Variants in PPP2R2B observed in about 807,000 individuals in gnomAD.
The protein encoded by PPP2R2B is serine/threonine-protein phosphatase 2A 55 kDa regulatory subunit B beta isoform.
PPP2R2B carries 5 observed loss-of-function variants against 46.0 expected under a neutral mutation model. The ratio of observed to expected loss-of-function variants is 0.11; its 90% CI spans 0.06 to 0.23. The LOEUF (loss-of-function observed/expected upper bound fraction) is 0.23, where lower values mean the gene tolerates loss of function less well. Among genes scored for constraint, PPP2R2B ranks in the 10% least tolerant of loss-of-function variants. The pLI, the probability that PPP2R2B is intolerant of heterozygous loss-of-function variation, is 1.00. For synonymous variants in PPP2R2B, 215 were observed against 206.7 expected, an observed-to-expected ratio of 1.04 and a Z score of -0.34; for missense variants, 367 against 575.0, an observed-to-expected ratio of 0.64 and a Z score of 3.70.
chr5:146,830,726 C>A (rs993439375), intron 2 of PPP2R2B, among the ~76,000 whole-genome samples: 1 of 152,098 alleles, frequency 6.6e-6, no homozygotes, highest in Non-Finnish European at 1.5e-5. Context: ...CCCACCTTGG[C>A]CTCCCAAAGT....
chr5:146,991,062 A>T (rs57228238), intron 1 of PPP2R2B, among the ~76,000 whole-genome samples: 39,946 of 151,624 alleles, frequency 0.26, 6,019 homozygotes, highest in African/African-American at 0.41. Flanking sequence ...TTAAAAAGAT[A>T]AAAAAAACAC....
At chr5:147,008,255 G>T (rs369017374) in intron 1 of PPP2R2B, among the ~76,000 whole-genome samples, 73 of 152,144 alleles carry the variant, frequency 4.8e-4, no homozygotes, top group African/African-American at 1.6e-3. Context: ...CCAACTTATG[G>T]ACTTTTTGTC....
intron 6 of PPP2R2B, among the ~76,000 whole-genome samples, chr5:146,641,983 T>C (rs891159135): frequency 3.9e-5 from 6 of 152,212 alleles, no homozygotes; most frequent in Admixed American, 3.9e-4. Context: ...CAGATTGCCA[T>C]TAAATTAACC....
At chr5:146,868,158 G>C (rs779986761) in intron 2 of PPP2R2B, among the ~76,000 whole-genome samples, 1 of 152,214 alleles carries the variant, frequency 6.6e-6, no homozygotes, top group Non-Finnish European at 1.5e-5. Context: ...GCCCAGGACT[G>C]TCTCCAGCAT....
At chr5:146,843,368 C>T (rs1213700312) in intron 2 of PPP2R2B, among the ~76,000 whole-genome samples, 1 of 152,082 alleles carries the variant, frequency 6.6e-6, no homozygotes, top group African/African-American at 2.4e-5. Context: ...ATTGCTTTAC[C>T]AATAATGTAT....
At chr5:146,933,378 C>A (rs1164815005) in intron 1 of PPP2R2B, among the ~76,000 whole-genome samples, 1 of 152,064 alleles carries the variant, frequency 6.6e-6, no homozygotes, top group Admixed American at 6.6e-5. Flanking sequence ...GTCAAAGCTG[C>A]ACCTTAATTA....
intron 1 of PPP2R2B, among the ~76,000 whole-genome samples, chr5:147,016,063 C>A (rs575578385): frequency 6.6e-6 from 1 of 151,604 alleles, no homozygotes; most frequent in South Asian, 2.1e-4. Context: ...TAAGTTAAAA[C>A]AAAAATACTT....
chr5:146,863,183 A>G (rs575695220), intron 2 of PPP2R2B, among the ~76,000 whole-genome samples: 1 of 152,194 alleles, frequency 6.6e-6, no homozygotes, highest in East Asian at 1.9e-4. Context: ...TTCCCTCTAT[A>G]TCCTATTAAG....
intron 1 of PPP2R2B, among the ~76,000 whole-genome samples, chr5:146,947,494 G>A (rs1764520134): frequency 6.6e-6 from 1 of 152,096 alleles, no homozygotes; most frequent in African/African-American, 2.4e-5. Context: ...GGTGCTTTGT[G>A]TAATGAGATG....
chr5:146,697,420 C>T (rs1379265958), intron 4 of PPP2R2B, among the ~76,000 whole-genome samples: 1 of 152,172 alleles, frequency 6.6e-6, no homozygotes, highest in African/African-American at 2.4e-5. Context: ...TCAACTCCTC[C>T]TCATCCAACA....
chr5:146,697,939 G>A (rs200972834), intron 4 of PPP2R2B, 40 bp downstream of exon 4: 47 of 1,571,208 alleles, frequency 3.0e-5, no homozygotes, highest in South Asian at 1.6e-4. Flanking sequence ...TAGTTTGGCC[G>A]ACTGTATCTC....
intron 2 of PPP2R2B, among the ~76,000 whole-genome samples, chr5:146,776,139 A>G (rs1286213444): frequency 6.6e-6 from 1 of 152,128 alleles, no homozygotes; most frequent in East Asian, 1.9e-4. Flanking sequence ...AAATGTGAAA[A>G]CTGATTCTAA....
At chr5:146,593,450 T>C (rs1404377113) in intron 8 of PPP2R2B, among the ~76,000 whole-genome samples, 1 of 152,248 alleles carries the variant, frequency 6.6e-6, no homozygotes, top group Non-Finnish European at 1.5e-5. Flanking sequence ...CCAAATATCC[T>C]TGCAGTGCTT....
At chr5:147,015,615 G>A (rs1464579346) in intron 1 of PPP2R2B, among the ~76,000 whole-genome samples, 5 of 151,586 alleles carry the variant, frequency 3.3e-5, no homozygotes, top group African/African-American at 4.8e-5. Flanking sequence ...ACACAACACA[G>A]TATTGCAGAG....
At chr5:146,630,112 G>A (rs1190801942) in intron 7 of PPP2R2B, among the ~76,000 whole-genome samples, 2 of 152,194 alleles carry the variant, frequency 1.3e-5, no homozygotes, top group South Asian at 2.1e-4. Flanking sequence ...ACCATGCCTG[G>A]CTGTGGCCTC....
chr5:146,591,899 G>A, intron 9 of PPP2R2B: 1 of 200,366 alleles, frequency 5.0e-6, no homozygotes, highest in South Asian at 7.5e-5. Context: ...GTTAGACTGT[G>A]GTTGGGATTA....
chr5:146,724,833 C>T (rs1285730928), intron 2 of PPP2R2B, among the ~76,000 whole-genome samples: 1 of 152,098 alleles, frequency 6.6e-6, no homozygotes, highest in East Asian at 1.9e-4. Context: ...TTCTAGCTTA[C>T]ATAATTCTTT....
At chr5:146,842,450 A>G (rs922538940) in intron 2 of PPP2R2B, among the ~76,000 whole-genome samples, 1 of 151,838 alleles carries the variant, frequency 6.6e-6, no homozygotes, top group Non-Finnish European at 1.5e-5. Context: ...GGAAAAAAAA[A>G]AGACATACTT....
chr5:147,032,653 A>G (rs1233586209), intron 1 of PPP2R2B, among the ~76,000 whole-genome samples: 1 of 152,162 alleles, frequency 6.6e-6, no homozygotes, highest in Non-Finnish European at 1.5e-5. Context: ...TATAGTCTCC[A>G]TTCTCATCCA....
Sources: allele counts gnomAD v4.1 joint callset (sites outside exome capture counted in the v4.1 genomes callset), GRCh38; gene constraint gnomAD v4.1.1; transcripts MANE v1.5; gene names NCBI Gene and HGNC (gene_info 2026-07-23, HGNC 2026-07-21).